MAPK10: variants seen among roughly 807,000 people sequenced by gnomAD.
The protein encoded by MAPK10 is JNK3 alpha protein kinase.
A neutral mutation model predicts 59.3 loss-of-function variants in MAPK10; 25 were observed. That is an observed-to-expected ratio of 0.42 (90% CI 0.31 to 0.59). The LOEUF is 0.59. MAPK10 is among the 20% of genes least tolerant of loss of function. The probability of loss-of-function intolerance (pLI) is 0.15; values close to 1 mark genes in which losing one functional copy is unlikely to be tolerated. For missense variants in MAPK10, 351 were observed against 568.9 expected (o/e 0.62, Z 3.90); for synonymous variants, 190 against 200.5 (o/e 0.95, Z 0.44).
At chr4:86,107,777 T>G (rs1199137374) in intron 4 of MAPK10, 1 of 349,102 alleles carries the variant, frequency 2.9e-6, no homozygotes, top group Non-Finnish European at 4.0e-6. Flanking sequence ...TATATGATAT[T>G]TAATTTTTAT....
rs115982813 is a variant in MAPK10, at chr4:86,521,551, G to T, written c.-263+72359C>A. ...CAGGGGGATTATGGCTGCCTCTGCTGCATCATACAGGCCACCAGGGAGGTA... is the reference window on the plus strand; with the variant it reads ...CAGGGGGATTATGGCTGCCTCTGCTTCATCATACAGGCCACCAGGGAGGTA... On this transcript the variant is annotated intron_variant, in intron 1 of 4. Coordinates refer to the MAPK10 transcript ENST00000502302. 2.9e-3 allele frequency among the ~76,000 whole-genome samples: 447 copies of T among 152,150 alleles called. 6 individuals carry two copies. The highest frequency in any genetic ancestry group is 0.011 in the African/African-American group (436 of 41,494).
intron 2 of MAPK10, among the ~76,000 whole-genome samples, chr4:86,343,700 C>G (rs907398025): frequency 3.3e-5 from 5 of 151,974 alleles, no homozygotes; most frequent in Non-Finnish European, 5.9e-5. Context: ...CTCTCGTACT[C>G]TCACAGGTAT....
Position 86,589,682 on chromosome 4 carries a change from CA to C in MAPK10, c.-263+4227del, listed in dbSNP as rs879534619. 7.3e-3 allele frequency among the ~76,000 whole-genome samples: 835 copies of C among 114,416 alleles called. 4 individuals are homozygous for C. Among genetic ancestry groups the C allele is most frequent in the African/African-American group, 0.022 (689 of 30,956 alleles). The allele number at this position is 114,416 out of a possible 152,430, so 75.1% of individuals were successfully genotyped here. ...GTGTGACAAGAGCAAAACTCCGTCT[CA>C]AAAAAAAAAAAAGTAAAGTAAAATG... On this transcript the variant is annotated intron_variant, in intron 1 of 4. Transcript: ENST00000502302.
At chr4:86,295,340 C>T (rs1359294133) in intron 2 of MAPK10, among the ~76,000 whole-genome samples, 13 of 152,088 alleles carry the variant, frequency 8.5e-5, no homozygotes, top group Non-Finnish European at 1.9e-4. Context: ...CCTCCTTGAC[C>T]ACCCATTTAA....
intron 1 of MAPK10, among the ~76,000 whole-genome samples, chr4:86,429,998 T>C (rs953224694): frequency 6.6e-6 from 1 of 152,180 alleles, no homozygotes; most frequent in African/African-American, 2.4e-5. Flanking sequence ...TTGAAGTTAT[T>C]TTTGGTTGGG....
Position 86,194,317 on chromosome 4 carries a change from AC to A in MAPK10, c.66+18del. 6.2e-7 allele frequency: 1 copy of A among 1,600,590 alleles called. No homozygotes were observed. The highest frequency in any genetic ancestry group is 1.7e-5 in the Admixed American group (1 of 59,958). On this transcript the variant is annotated intron_variant, in intron 3 of 13. Coordinates refer to ENST00000641462, the MANE Select transcript of MAPK10 (RefSeq NM_138982.4). ...AAGGGAATATACTGTACCTTGTTTT[AC>A]CTGTAAGGAACACACACCTGACAAA...
At chr4:86,516,065 G>A (rs1477607214) in intron 1 of MAPK10, among the ~76,000 whole-genome samples, 1 of 152,092 alleles carries the variant, frequency 6.6e-6, no homozygotes, top group East Asian at 1.9e-4. Context: ...TGTATAAGGT[G>A]AGAGATGAGG....
intron 3 of MAPK10, among the ~76,000 whole-genome samples, chr4:86,161,394 C>A (rs915074871): frequency 2.6e-5 from 4 of 151,998 alleles, no homozygotes; most frequent in Admixed American, 6.6e-5. Context: ...AAAAGAACAT[C>A]AGTCTTTAAA....
chr4:86,171,182 A>C (rs1004940056), intron 3 of MAPK10: 4 of 151,776 alleles, frequency 2.6e-5, no homozygotes, highest in African/African-American at 9.7e-5. Flanking sequence ...AGCAAGAGCA[A>C]ACACATTCAA....
chr4:86,434,303 A>G (rs540294075), intron 1 of MAPK10, among the ~76,000 whole-genome samples: 43 of 152,330 alleles, frequency 2.8e-4, no homozygotes, highest in Non-Finnish European at 6.2e-4. Context: ...AAATGGGATC[A>G]CATTAAGCTA....
chr4:86,202,869 C>A (rs561796224), intron 2 of MAPK10, among the ~76,000 whole-genome samples: 2 of 152,102 alleles, frequency 1.3e-5, no homozygotes, highest in African/African-American at 4.8e-5. Context: ...TACAAAGTCA[C>A]TGCGTAACCT....
chr4:86,146,398 C>T (rs2065016036), intron 4 of MAPK10, among the ~76,000 whole-genome samples: 1 of 152,178 alleles, frequency 6.6e-6, no homozygotes, highest in Admixed American at 6.5e-5. Flanking sequence ...CAGAGGGGTA[C>T]TGGCACTGGA....
chr4:86,107,805 GTTCT>G (rs780924007), intron 4 of MAPK10, among the ~76,000 whole-genome samples: 88 of 151,934 alleles, frequency 5.8e-4, no homozygotes, highest in Non-Finnish European at 1.1e-3. Flanking sequence ...AAATTTCATT[GTTCT>G]TTGTTTGTTT....
At chr4:86,259,800 C>A (rs1466371270) in intron 2 of MAPK10, among the ~76,000 whole-genome samples, 2 of 151,980 alleles carry the variant, frequency 1.3e-5, no homozygotes, top group African/African-American at 4.8e-5. Flanking sequence ...TGCCATTATC[C>A]AATAAATTTA....
chr4:86,316,024 A>G (rs1237475466), intron 2 of MAPK10, among the ~76,000 whole-genome samples: 1 of 152,030 alleles, frequency 6.6e-6, no homozygotes, highest in South Asian at 2.1e-4. Flanking sequence ...TTGTCTATAA[A>G]TTTTTTTTAA....
intron 2 of MAPK10, among the ~76,000 whole-genome samples, chr4:86,307,756 G>A (rs573908997): frequency 1.5e-4 from 23 of 152,220 alleles, no homozygotes. Context: ...TAGAGTGGTG[G>A]AATATTGTCA....
chr4:86,566,350 T>C (rs1220436638), intron 1 of MAPK10, among the ~76,000 whole-genome samples: 1 of 152,166 alleles, frequency 6.6e-6, no homozygotes, highest in East Asian at 1.9e-4. Flanking sequence ...CTTAGGAAAT[T>C]ACTGGGCACA....
rs564701006 is a variant in MAPK10 at position 86,292,120 on chromosome 4, G to T, written c.-7+62410C>A. On this transcript the variant is annotated intron_variant, in intron 2 of 13. Transcript: ENST00000641462. ...ACCAATTTATCAAGAACACTGCAAGGTTTTCAATATTTGTCTAATTATTAG... is the reference window on the plus strand; with the variant it reads ...ACCAATTTATCAAGAACACTGCAAGTTTTTCAATATTTGTCTAATTATTAG... 1.2e-4 allele frequency among the ~76,000 whole-genome samples: 18 copies of T among 152,172 alleles called. No individual in the cohort carries two copies. In the South Asian group the frequency reaches 3.7e-3, roughly 32 times the overall value.
chr4:86,578,481 T>TTGC (rs1287430636), intron 1 of MAPK10, among the ~76,000 whole-genome samples: 1 of 152,158 alleles, frequency 6.6e-6, no homozygotes, highest in African/African-American at 2.4e-5. Flanking sequence ...ATTAAAGTGG[T>TTGC]TGCTTCTACA....
Sources: gnomAD v4.1 joint callset for allele counts (sites outside exome capture counted in the v4.1 genomes callset) on GRCh38, gnomAD v4.1.1 for gene constraint, MANE v1.5 for transcripts, NCBI Gene and HGNC (gene_info 2026-07-23, HGNC 2026-07-21) for gene names.